Variants in SQOR observed in about 807,000 individuals in gnomAD.
SQOR encodes the protein sulfide quinone oxidoreductase, also known as sulfide:quinone oxidoreductase, mitochondrial.
SQOR carries 39 observed loss-of-function variants against 48.6 expected under a neutral mutation model. The ratio of observed to expected loss-of-function variants is 0.80; its 90% CI spans 0.62 to 1.05. The LOEUF (loss-of-function observed/expected upper bound fraction) is 1.05. Among genes scored for constraint, SQOR ranks in the 50% least tolerant of loss-of-function variants. The pLI is 0.00. For synonymous variants in SQOR, 220 were observed against 206.2 expected (o/e 1.07, Z -0.57); for missense variants, 561 against 559.9 (o/e 1.00, Z -0.02).
intron 1 of SQOR, among the ~76,000 whole-genome samples, chr15:45,640,375 T>G (rs1895084006): frequency 6.6e-6 from 1 of 152,068 alleles, no homozygotes. Flanking sequence ...CCAAAATGGG[T>G]CAGGAAGAGC....
Position 45,682,608 on chromosome 15 carries a change from T to A in SQOR, c.995T>A (p.Phe332Tyr). Residue 332 changes from phenylalanine (F) to tyrosine (Y), a missense_variant, in exon 7 of 10, where the codon TTT becomes TAT. Physicochemically the swap from Phe to Tyr is conservative, Grantham distance 22. Coordinates refer to ENST00000260324, the MANE Select transcript of SQOR (RefSeq NM_021199.4). ...CAACACAGGAGGTACCCAAATGTGT[T>A]TGGGATTGGGGACTGCACCAACCTT... ...TLQHRRYPNV[F>Y]GIGDCTNLPT... 1 of 1,614,178 alleles carries A rather than the reference T, an allele frequency of 6.2e-7. No individual in the cohort carries two copies. The highest frequency in any genetic ancestry group is 8.5e-7 in the Non-Finnish European group (1 of 1,180,022).
intron 1 of SQOR, among the ~76,000 whole-genome samples, chr15:45,649,784 C>A (rs1448381731): frequency 6.8e-6 from 1 of 147,072 alleles, no homozygotes; most frequent in African/African-American, 2.5e-5. Flanking sequence ...TGCCTGGCCT[C>A]ATTTTTTAAG....
chr15:45,669,825 C>A, intron 3 of SQOR, 103 bp from the exon 4 acceptor site: 1 of 943,832 alleles, frequency 1.1e-6, no homozygotes, highest in South Asian at 1.4e-5. Context: ...TAATATTTCC[C>A]TGCCTCCCTT....
intron 7 of SQOR, among the ~76,000 whole-genome samples, chr15:45,687,576 C>T (rs1890245799): frequency 6.7e-6 from 1 of 149,118 alleles, no homozygotes; most frequent in Non-Finnish European, 1.5e-5. Context: ...GTGATATCTG[C>T]TCTAAAAATA....
chr15:45,676,763 G>C (rs1301963603), intron 6 of SQOR, among the ~76,000 whole-genome samples: 1 of 152,160 alleles, frequency 6.6e-6, no homozygotes, highest in Non-Finnish European at 1.5e-5. Flanking sequence ...GGGATTGGCT[G>C]GGCATGGTGG....
intron 6 of SQOR, among the ~76,000 whole-genome samples, chr15:45,677,295 A>G (rs899173985): frequency 1.3e-5 from 2 of 152,058 alleles, no homozygotes; most frequent in Non-Finnish European, 1.5e-5. Flanking sequence ...TACATATATC[A>G]TGCATCAGCT....
At chr15:45,652,485 G>C (rs527986948) in intron 1 of SQOR, among the ~76,000 whole-genome samples, 1 of 151,940 alleles carries the variant, frequency 6.6e-6, no homozygotes, top group African/African-American at 2.4e-5. Context: ...CATGCACGGG[G>C]TACCACGCCG....
At position 45,673,783 on chromosome 15, in the gene SQOR, A is replaced by G; in HGVS notation, c.636A>G (p.Ser212=). The change falls in exon 5 of 10, where the codon TCA becomes TCG. Residue 212 remains serine, a synonymous_variant. Coordinates refer to ENST00000260324, the MANE Select transcript of SQOR (RefSeq NM_021199.4). ...AGAPQKIMYL[S]EAYFRKTGKR... ...CCCCTCAGAAGATCATGTACTTATC[A>G]GAAGCCTACTTCAGGAAGGTATGCT... 1 of 1,614,152 alleles carries G rather than the reference A, an allele frequency of 6.2e-7. No homozygotes were observed. Among genetic ancestry groups the G allele is most frequent in the Non-Finnish European group, 8.5e-7 (1 of 1,180,010 alleles).
At chr15:45,675,620 GA>G (rs1030205766) in intron 5 of SQOR, among the ~76,000 whole-genome samples, 8 of 151,938 alleles carry the variant, frequency 5.3e-5, no homozygotes, top group African/African-American at 1.9e-4. Flanking sequence ...GGCTGGTCTG[GA>G]ACTCCTGACG....
chr15:45,659,734 C>G (rs974372583), intron 2 of SQOR, among the ~76,000 whole-genome samples: 6 of 152,252 alleles, frequency 3.9e-5, no homozygotes, highest in African/African-American at 1.4e-4. Context: ...ATGGCACACT[C>G]TATTCAAGAA....
chr15:45,635,492 G>GGGGGCCA (rs1894986596), intron 1 of SQOR, among the ~76,000 whole-genome samples: 1 of 152,182 alleles, frequency 6.6e-6, no homozygotes, highest in African/African-American at 2.4e-5. Context: ...CTCGGCGTCC[G>GGGGGCCA]GGGGCCAGGG....
intron 1 of SQOR, among the ~76,000 whole-genome samples, chr15:45,646,950 C>CA (rs1307618455): frequency 3.3e-5 from 5 of 152,176 alleles, no homozygotes; most frequent in Admixed American, 1.3e-4. Context: ...CCTTCTCTGC[C>CA]AAAAAAACTT....
intron 7 of SQOR, among the ~76,000 whole-genome samples, chr15:45,682,957 G>A (rs978187741): frequency 1.3e-5 from 2 of 151,426 alleles, no homozygotes; most frequent in South Asian, 2.1e-4. Flanking sequence ...AACACGGGAG[G>A]TGGAGGTTGC....
intron 1 of SQOR, among the ~76,000 whole-genome samples, chr15:45,652,866 G>C (rs143154974): frequency 6.6e-6 from 1 of 151,506 alleles, no homozygotes; most frequent in Non-Finnish European, 1.5e-5. Context: ...AGCTACTCGT[G>C]GGGGCCGGAG....
At chr15:45,664,637 G>A (rs949333177) in intron 3 of SQOR, among the ~76,000 whole-genome samples, 1 of 152,088 alleles carries the variant, frequency 6.6e-6, no homozygotes, top group South Asian at 2.1e-4. Flanking sequence ...GCATAAGTTA[G>A]CATTTGCCTT....
chr15:45,639,676 G>A lies in SQOR; in HGVS notation c.-18+4568G>A, dbSNP rs541899721. On this transcript the variant is annotated intron_variant, in intron 1 of 9. Coordinates refer to ENST00000260324, the MANE Select transcript of SQOR (RefSeq NM_021199.4). Reference sequence around the variant, plus strand: ...GCCCATGATGTCTCCATAGGAAAATGATGTGTTTTAACAACCACCATGTTT... The same window carrying A: ...GCCCATGATGTCTCCATAGGAAAATAATGTGTTTTAACAACCACCATGTTT... Among the ~76,000 whole-genome samples, 3 of 152,336 alleles carry A rather than the reference G, an allele frequency of 2.0e-5. No individual in the cohort carries two copies. The East Asian group carries it at 5.8e-4, about 29-fold the overall frequency.
upstream of SQOR, among the ~76,000 whole-genome samples, chr15:45,633,762 A>G (rs1894943997): frequency 6.6e-6 from 1 of 151,726 alleles, no homozygotes. Flanking sequence ...GATGGAATTG[A>G]GTTACCAATA....
At chr15:45,635,737 C>G (rs867832644) in intron 1 of SQOR, among the ~76,000 whole-genome samples, 33 of 152,310 alleles carry the variant, frequency 2.2e-4, no homozygotes, top group African/African-American at 7.7e-4. Context: ...GAACAGAGCC[C>G]CTGGCTTTGC....
rs370293201 is a variant in SQOR at position 45,659,074 on chromosome 15, G to A, written c.151G>A (p.Gly51Arg). ...RNHYEVLVLG[G>R]GSGGITMAAR... ...CCATTATGAGGTGCTGGTGCTGGGT[G>A]GGGGCAGTGGCGGAATCACCATGGC... is the stretch of plus-strand genomic sequence containing the variant. Residue 51 changes from glycine (G) to arginine (R), a missense_variant, in exon 2 of 10, where the codon GGG (glycine) becomes AGG (arginine). Transcript: ENST00000260324. 6.3e-6 allele frequency: 10 copies of A among 1,594,576 alleles called. No individual in the cohort carries two copies. Among genetic ancestry groups the A allele is most frequent in the Non-Finnish European group, 8.5e-6 (10 of 1,171,020 alleles).
Sources: allele counts gnomAD v4.1 joint callset (sites outside exome capture counted in the v4.1 genomes callset), GRCh38; gene constraint gnomAD v4.1.1; transcripts MANE v1.5; gene names NCBI Gene and HGNC (gene_info 2026-07-23, HGNC 2026-07-21).